OPCML: variants seen among roughly 807,000 people sequenced by gnomAD.
OPCML encodes opioid binding protein/cell adhesion molecule like.
Under a neutral mutation model 37.8 loss-of-function variants are expected in OPCML, and 13 were observed. The observed-to-expected ratio is 0.34, with a 90% confidence interval of 0.22 to 0.55. OPCML has a LOEUF of 0.55. Ranked by LOEUF, OPCML falls within the 20% of genes least tolerant of loss-of-function variation. The pLI, the probability that OPCML is intolerant of heterozygous loss-of-function variation, is 0.91. For synonymous variants in OPCML, 176 were observed against 168.8 expected (o/e 1.04, Z -0.33); for missense variants, 341 against 435.6 (o/e 0.78, Z 1.93).
At chr11:132,731,763 G>A (rs1945084527) in intron 2 of OPCML, among the ~76,000 whole-genome samples, 1 of 152,086 alleles carries the variant, frequency 6.6e-6, no homozygotes, top group Non-Finnish European at 1.5e-5. Flanking sequence ...ACAGGGTTGG[G>A]GATACTAAGG....
intron 1 of OPCML, among the ~76,000 whole-genome samples, chr11:133,038,970 C>T (rs1410810666): frequency 6.6e-6 from 1 of 152,202 alleles, no homozygotes; most frequent in Non-Finnish European, 1.5e-5. Flanking sequence ...TTTCAGAAAT[C>T]AGCGGGACCC....
chr11:133,424,546 C>A (rs932431455), intron 1 of OPCML, among the ~76,000 whole-genome samples: 2 of 152,138 alleles, frequency 1.3e-5, no homozygotes, highest in South Asian at 4.1e-4. Context: ...TTCTAAAAAA[C>A]ACAATTTGTC....
chr11:132,713,674 G>A (rs1471834108), intron 2 of OPCML, among the ~76,000 whole-genome samples: 1 of 152,168 alleles, frequency 6.6e-6, no homozygotes, highest in Admixed American at 6.5e-5. Context: ...CCCAAGATCT[G>A]GTTTCCATTC....
chr11:133,487,811 G>A (rs1175333416), intron 1 of OPCML, among the ~76,000 whole-genome samples: 4 of 151,564 alleles, frequency 2.6e-5, no homozygotes, highest in Admixed American at 6.6e-5. Flanking sequence ...GTGCGTGTGT[G>A]TAAATTTAAA....
chr11:132,682,118 G>T (rs1179836673), intron 2 of OPCML, among the ~76,000 whole-genome samples: 1 of 152,124 alleles, frequency 6.6e-6, no homozygotes, highest in African/African-American at 2.4e-5. Context: ...ACGGAGTTTT[G>T]CTCCTGCCAG....
intron 2 of OPCML, among the ~76,000 whole-genome samples, chr11:132,748,466 A>C (rs1945717978): frequency 6.6e-6 from 1 of 152,182 alleles, no homozygotes; most frequent in African/African-American, 2.4e-5. Context: ...TTAAAAATCA[A>C]AACCAAATAG....
chr11:133,225,237 C>T (rs1174385804), intron 1 of OPCML, among the ~76,000 whole-genome samples: 2 of 152,158 alleles, frequency 1.3e-5, no homozygotes, highest in Admixed American at 1.3e-4. Flanking sequence ...CTGGATAAAG[C>T]CAACAGAGTA....
intron 1 of OPCML, among the ~76,000 whole-genome samples, chr11:133,266,173 T>C (rs1337574106): frequency 6.6e-6 from 1 of 152,212 alleles, no homozygotes; most frequent in Non-Finnish European, 1.5e-5. Flanking sequence ...TAAGTCTTTA[T>C]GCAAGAACCA....
At chr11:132,800,170 T>C (rs1938561348) in intron 2 of OPCML, among the ~76,000 whole-genome samples, 2 of 152,244 alleles carry the variant, frequency 1.3e-5, no homozygotes, top group East Asian at 1.9e-4. Flanking sequence ...AAGTATTTTG[T>C]ATGTAATTGT....
At chr11:132,924,234 C>G (rs1222249901) in intron 2 of OPCML, among the ~76,000 whole-genome samples, 1 of 151,884 alleles carries the variant, frequency 6.6e-6, no homozygotes, top group East Asian at 1.9e-4. Context: ...CCTGTAAATG[C>G]TTGGGGGATG....
chr11:132,422,804 C>A (rs12575082), intron 7 of OPCML, among the ~76,000 whole-genome samples: 4,365 of 152,310 alleles, frequency 0.029, 191 homozygotes, highest in East Asian at 0.17. Flanking sequence ...TGTTACAAGT[C>A]TACTTCCTCT....
chr11:132,451,169 A>G (rs1346409475), intron 4 of OPCML, among the ~76,000 whole-genome samples: 1 of 152,222 alleles, frequency 6.6e-6, no homozygotes, highest in African/African-American at 2.4e-5. Context: ...TCTCAATTAC[A>G]AAGCAAATCA....
At chr11:132,772,569 G>C (rs1040462878) in intron 2 of OPCML, 6 of 152,282 alleles carry the variant, frequency 3.9e-5, no homozygotes, top group African/African-American at 1.4e-4. Context: ...TCCGGGAGCA[G>C]GGCTGCACAA....
chr11:132,600,839 CTTTTTTTTT>C (rs145586468), intron 3 of OPCML, among the ~76,000 whole-genome samples: 1 of 94,534 alleles, frequency 1.1e-5, no homozygotes, highest in Non-Finnish European at 1.9e-5. Flanking sequence ...AAATAGTTAA[CTTTTTTTTT>C]TTTTTTTTTT....
chr11:132,780,981 A>G lies in OPCML; in HGVS notation c.147-123662T>C, dbSNP rs186649824. On this transcript the variant is annotated intron_variant, in intron 2 of 7. Coordinates refer to ENST00000524381, the MANE Select transcript of OPCML (RefSeq NM_001012393.5). ...TTTTCCCTATTTATCTATATTTTAT[A>G]TTTTTTCATTGATTTATCTATGCTG... is the stretch of plus-strand genomic sequence containing the variant. Among the ~76,000 whole-genome samples, 348 of 152,182 alleles carry G rather than the reference A, an allele frequency of 2.3e-3. 2 individuals are homozygous for G. The highest frequency in any genetic ancestry group is 8.0e-3 in the African/African-American group (331 of 41,534).
At chr11:133,289,596 A>C (rs1942414134) in intron 1 of OPCML, among the ~76,000 whole-genome samples, 1 of 127,398 alleles carries the variant, frequency 7.8e-6, no homozygotes, top group Non-Finnish European at 1.8e-5. Flanking sequence ...CTCCATCTCA[A>C]AAAAAAAAAA....
chr11:132,928,184 T>C (rs375305665), intron 2 of OPCML, among the ~76,000 whole-genome samples: 2 of 152,020 alleles, frequency 1.3e-5, no homozygotes, highest in African/African-American at 2.4e-5. Flanking sequence ...AAAACACAGA[T>C]TGGCAGAATG....
At chr11:132,435,265 G>A in intron 7 of OPCML, 4 of 1,288,322 alleles carry the variant, frequency 3.1e-6, no homozygotes, top group Non-Finnish European at 4.0e-6. Context: ...GATGGTTGGT[G>A]GACAAAGTTT....
intron 4 of OPCML, among the ~76,000 whole-genome samples, chr11:132,500,914 G>A (rs139546226): frequency 0.01 from 1,545 of 152,214 alleles, 21 homozygotes; most frequent in East Asian, 0.06. Flanking sequence ...ATAGTATTCC[G>A]TGGTGTATAT....
Sources: gnomAD v4.1 joint callset for allele counts (sites outside exome capture counted in the v4.1 genomes callset) on GRCh38, gnomAD v4.1.1 for gene constraint, MANE v1.5 for transcripts, NCBI Gene and HGNC (gene_info 2026-07-23, HGNC 2026-07-21) for gene names.